CFAP53: variants seen among roughly 807,000 people sequenced by gnomAD.
CFAP53 encodes cilia- and flagella-associated protein 53.
CFAP53 carries 62 observed loss-of-function variants against 59.7 expected under a neutral mutation model. The ratio of observed to expected loss-of-function variants is 1.04; its 90% CI spans 0.85 to 1.28. The LOEUF (loss-of-function observed/expected upper bound fraction) is 1.28. Among genes scored for constraint, CFAP53 ranks in the 50% most tolerant of loss-of-function variants. The pLI, the probability that CFAP53 is intolerant of heterozygous loss-of-function variation, is 0.00. For synonymous variants in CFAP53, 218 were observed against 205.7 expected (o/e 1.06, Z -0.51); for missense variants, 629 against 615.6 (o/e 1.02, Z -0.23).
At position 50,238,608 on chromosome 18, in the gene CFAP53, A is replaced by G. The variant is rs758960052; in HGVS notation, c.1311T>C (p.Phe437=). 3.7e-5 allele frequency: 59 copies of G among 1,606,450 alleles called. No individual in the cohort carries two copies. The South Asian group carries it at 6.2e-4, about 17-fold the overall frequency. The part of the protein sequence containing the change: ...KELNCEEKEN[F]ARRQRLAQEY... The stretch of plus-strand genomic sequence containing the variant: ...TACAGAAAACAAAATCATACCTTGC[A>G]AAATTCTCCTTCTCTTCACAGTTAA... The change falls in exon 7 of 8, where the codon TTT becomes TTC. Residue 437 remains phenylalanine, a synonymous_variant. Transcript: ENST00000398545.
At chr18:50,231,282 C>A (rs1421217176) in intron 7 of CFAP53, among the ~76,000 whole-genome samples, 1 of 152,210 alleles carries the variant, frequency 6.6e-6, no homozygotes, top group Non-Finnish European at 1.5e-5. Context: ...CCTACTTTCT[C>A]TAATAAATCT....
At chr18:50,264,544 A>C (rs2033920227) in intron 1 of CFAP53, among the ~76,000 whole-genome samples, 1 of 152,184 alleles carries the variant, frequency 6.6e-6, no homozygotes, top group Non-Finnish European at 1.5e-5. Context: ...TCAGACATTA[A>C]ATTTTTCACA....
intron 5 of CFAP53, among the ~76,000 whole-genome samples, chr18:50,247,225 TA>T (rs1453845708): frequency 6.6e-6 from 1 of 152,014 alleles, no homozygotes; most frequent in African/African-American, 2.4e-5. Context: ...CATTAGTCAC[TA>T]GGGAAATACA....
chr18:50,245,486 C>A (rs769628479), intron 5 of CFAP53, among the ~76,000 whole-genome samples: 1 of 151,528 alleles, frequency 6.6e-6, no homozygotes, highest in Non-Finnish European at 1.5e-5. Context: ...TTGACAGCAT[C>A]AATCTAAAAT....
intron 6 of CFAP53, among the ~76,000 whole-genome samples, chr18:50,240,027 C>T (rs1209898927): frequency 6.6e-6 from 1 of 152,226 alleles, no homozygotes; most frequent in Non-Finnish European, 1.5e-5. Flanking sequence ...TACTTTTAAA[C>T]TTAACTTCCT....
chr18:50,251,775 A>C lies in CFAP53; in HGVS notation c.483T>G (p.Cys161Trp), dbSNP rs1237651268. The C allele has an allele frequency of 2.5e-6, 4 of 1,612,370 alleles. No homozygotes were observed. Among genetic ancestry groups the C allele is most frequent in the Admixed American group, 1.7e-5 (1 of 59,800 alleles). The change falls in exon 4 of 8, where the codon TGT becomes TGG. Residue 161 changes from cysteine (C) to tryptophan (W), a missense_variant. Coordinates refer to ENST00000398545, the MANE Select transcript of CFAP53 (RefSeq NM_145020.5). ...ATAACAATTCAACACGGAGCTCCTC[A>C]CAGCGTTCCCTGAAAGGAAAATTTT... ...EKLDQQFRER[C>W]EELRVELLSI... is the part of the protein sequence containing the mutation.
intron 6 of CFAP53, among the ~76,000 whole-genome samples, chr18:50,239,729 A>G (rs547398442): frequency 1.2e-3 from 183 of 152,334 alleles, no homozygotes; most frequent in Non-Finnish European, 2.3e-3. Context: ...AATATTTTTG[A>G]TAAGTGAAAA....
At chr18:50,258,572 G>A (rs1385148492) in intron 3 of CFAP53, among the ~76,000 whole-genome samples, 1 of 152,108 alleles carries the variant, frequency 6.6e-6, no homozygotes, top group Non-Finnish European at 1.5e-5. Context: ...TACCCTATAA[G>A]CACGGGCAAC....
intron 5 of CFAP53, among the ~76,000 whole-genome samples, chr18:50,248,168 GA>G (rs1319341565): frequency 4.0e-5 from 6 of 148,278 alleles, no homozygotes; most frequent in African/African-American, 1.5e-4. Flanking sequence ...CAAAAGACAT[GA>G]AGAGACATTT....
intron 5 of CFAP53, among the ~76,000 whole-genome samples, chr18:50,244,399 T>C (rs2033722455): frequency 6.6e-6 from 1 of 152,174 alleles, no homozygotes; most frequent in Non-Finnish European, 1.5e-5. Flanking sequence ...TTGCTTCCCC[T>C]TCCACTGTGA....
intron 1 of CFAP53, among the ~76,000 whole-genome samples, chr18:50,266,101 T>C (rs1490668896): frequency 6.6e-6 from 1 of 152,058 alleles, no homozygotes; most frequent in Non-Finnish European, 1.5e-5. Context: ...TATTATAACT[T>C]TGGGGGCAGA....
At chr18:50,239,618 G>C (rs1167314795) in intron 6 of CFAP53, among the ~76,000 whole-genome samples, 1 of 152,130 alleles carries the variant, frequency 6.6e-6, no homozygotes. Context: ...ACAATATAAA[G>C]AGTCATTGCT....
intron 3 of CFAP53, among the ~76,000 whole-genome samples, chr18:50,260,063 T>C (rs1213458440): frequency 6.6e-6 from 1 of 152,200 alleles, no homozygotes; most frequent in Non-Finnish European, 1.5e-5. Context: ...TCTGATTATA[T>C]AACACTATAG....
rs1489907670 is a variant in CFAP53, at chr18:50,251,464, G to A, written c.777+17C>T. 1.2e-6 allele frequency: 2 copies of A among 1,604,764 alleles called. No homozygotes were observed. Among genetic ancestry groups the A allele is most frequent in the Admixed American group, 1.7e-5 (1 of 59,464 alleles). ...CATGGCGTTGATCACCCTCTAACAA[G>A]CATTTTAAAGGCCCACCACAAGGCG... On this transcript the variant is annotated intron_variant, in intron 4 of 7. Coordinates refer to ENST00000398545, the MANE Select transcript of CFAP53 (RefSeq NM_145020.5).
At position 50,242,842 on chromosome 18, in the gene CFAP53, T is replaced by C; in HGVS notation, c.1213+58A>G. The C allele has an allele frequency of 1.8e-5, 25 of 1,375,858 alleles. 1 individual carries two copies. The South Asian group carries it at 2.9e-4, about 16-fold the overall frequency. The allele number at this position is 1,375,858 out of a possible 1,614,324, so 85.2% of individuals were successfully genotyped here. On this transcript the variant is annotated intron_variant, in intron 6 of 7. Transcript: ENST00000398545. ...AGTATTATGGTTGTTAGTATTTTGG[T>C]TGTTACTTAAATTGAATTAAGGGCA...
At chr18:50,251,859 A>ATTGTGTG in intron 3 of CFAP53, 75 bp from the exon 4 acceptor site, 5 of 1,272,426 alleles carry the variant, frequency 3.9e-6, no homozygotes, top group Non-Finnish European at 5.5e-6. Flanking sequence ...ACATCTGTAC[A>ATTGTGTG]ATCACACAAT....
At chr18:50,244,084 T>C (rs2144413947) in intron 5 of CFAP53, among the ~76,000 whole-genome samples, 1 of 152,368 alleles carries the variant, frequency 6.6e-6, no homozygotes, top group South Asian at 2.1e-4. Context: ...GCTGTTTATT[T>C]AGCGCAGGCA....
rs759566962 is a variant in CFAP53, at chr18:50,266,397, C to T, written c.8G>A (p.Ser3Asn). 5.0e-6 allele frequency: 8 copies of T among 1,614,264 alleles called. No individual in the cohort carries two copies. The highest frequency in any genetic ancestry group is 6.8e-6 in the Non-Finnish European group (8 of 1,180,042). MY[S>N]QRFGTVQREV... ...CCGCTGTACGGTGCCAAACCGCTGG[C>T]TGTACATTTTCGAGTCCCCTTCGGG... Residue 3 changes from serine (S) to asparagine (N), a missense_variant, in exon 1 of 8, where the codon AGC becomes AAC. Ser to Asn is a conservative substitution (Grantham distance 46). Coordinates refer to ENST00000398545, the MANE Select transcript of CFAP53 (RefSeq NM_145020.5).
intron 3 of CFAP53, among the ~76,000 whole-genome samples, chr18:50,260,144 G>A (rs999244908): frequency 6.6e-6 from 1 of 152,154 alleles, no homozygotes; most frequent in Non-Finnish European, 1.5e-5. Context: ...ACAGTAGTGG[G>A]TAGTCTATCA....
Sources: gnomAD v4.1 joint callset for allele counts (sites outside exome capture counted in the v4.1 genomes callset) on GRCh38, gnomAD v4.1.1 for gene constraint, MANE v1.5 for transcripts, NCBI Gene and HGNC (gene_info 2026-07-23, HGNC 2026-07-21) for gene names.